The following DTNA variants were observed in gnomAD, a reference collection of about 807,000 sequenced individuals.
DTNA encodes dystrophin-related protein 3.
DTNA carries 43 observed loss-of-function variants against 100.7 expected under a neutral mutation model. That is an observed-to-expected ratio of 0.43 (90% confidence interval 0.33 to 0.55). DTNA has a LOEUF of 0.55. Among genes scored for constraint, DTNA ranks in the 20% least tolerant of loss-of-function variants. DTNA has a pLI of 0.04. For synonymous variants in DTNA, 349 were observed against 347.9 expected, an observed-to-expected ratio of 1.00 and a Z score of -0.04; for missense variants, 798 against 953.9, an observed-to-expected ratio of 0.84 and a Z score of 2.15.
At position 34,819,433 on chromosome 18, in the gene DTNA, G is replaced by A. The variant is rs186901120; in HGVS notation, c.876+1103G>A. On this transcript the variant is annotated intron_variant, in intron 8 of 22. Transcript: ENST00000444659. The stretch of plus-strand genomic sequence containing the variant: ...CTCACTGTTGTTTATGTCATGCTGA[G>A]GACAGATAGATACATTAACACGGAT... Among the ~76,000 whole-genome samples the A allele has an allele frequency of 2.1e-4, 32 of 152,260 alleles. No homozygotes were observed. The East Asian group carries it at 3.9e-3, about 18-fold the overall frequency.
At chr18:34,776,544 C>T (rs544975597) in intron 3 of DTNA, among the ~76,000 whole-genome samples, 6 of 152,206 alleles carry the variant, frequency 3.9e-5, no homozygotes, top group Non-Finnish European at 7.4e-5. Flanking sequence ...GGTTTCACCA[C>T]GTTAGCCAGG....
chr18:34,504,578 C>T (rs1374876367), intron 1 of DTNA, among the ~76,000 whole-genome samples: 1 of 152,076 alleles, frequency 6.6e-6, no homozygotes, highest in East Asian at 1.9e-4. Flanking sequence ...TTGATTTTTT[C>T]TTTCTTCCTG....
chr18:34,798,394 C>T (rs1403975059), intron 4 of DTNA, among the ~76,000 whole-genome samples: 5 of 152,052 alleles, frequency 3.3e-5, no homozygotes, highest in Admixed American at 1.3e-4. Flanking sequence ...GATTCAGACC[C>T]TCTATTTTTA....
chr18:34,737,280 C>T (rs183476221), intron 1 of DTNA, among the ~76,000 whole-genome samples: 46 of 152,260 alleles, frequency 3.0e-4, no homozygotes, highest in Non-Finnish European at 2.8e-4. Context: ...CCACAAACAA[C>T]ATATAGTTTA....
upstream of DTNA, among the ~76,000 whole-genome samples, chr18:34,709,763 G>T (rs1411193618): frequency 1.3e-5 from 2 of 152,068 alleles, no homozygotes; most frequent in Admixed American, 1.3e-4. Context: ...AGAAAATGAA[G>T]AATTTTACCT....
intron 2 of DTNA, among the ~76,000 whole-genome samples, chr18:34,764,636 A>G (rs1373069925): frequency 2.0e-5 from 3 of 152,222 alleles, no homozygotes; most frequent in South Asian, 2.1e-4. Flanking sequence ...ATCTGAAGAT[A>G]TCGGTTTGAG....
At chr18:34,667,108 A>G (rs374247070) in intron 1 of DTNA, among the ~76,000 whole-genome samples, 6 of 152,034 alleles carry the variant, frequency 3.9e-5, no homozygotes, top group South Asian at 4.2e-4. Flanking sequence ...TTGAGCAGTG[A>G]TTTGTAGTTC....
upstream of DTNA, among the ~76,000 whole-genome samples, chr18:34,707,639 A>G (rs2082281948): frequency 6.6e-6 from 1 of 152,180 alleles, no homozygotes; most frequent in Admixed American, 6.5e-5. Context: ...CACATAACCA[A>G]TCTCCAGGGG....
chr18:34,773,628 A>G (rs1023367334), intron 3 of DTNA, among the ~76,000 whole-genome samples: 8 of 152,222 alleles, frequency 5.3e-5, no homozygotes, highest in African/African-American at 1.9e-4. Context: ...GCATTGTGCT[A>G]GAATGCAACG....
At chr18:34,760,934 T>A (rs1386801041) in intron 2 of DTNA, among the ~76,000 whole-genome samples, 1 of 152,186 alleles carries the variant, frequency 6.6e-6, no homozygotes, top group Non-Finnish European at 1.5e-5. Context: ...TCAAACTCTT[T>A]AGCCCAAAAC....
At chr18:34,752,810 CAT>C (rs1348836398) in intron 1 of DTNA, among the ~76,000 whole-genome samples, 1 of 151,976 alleles carries the variant, frequency 6.6e-6, no homozygotes, top group Non-Finnish European at 1.5e-5. Flanking sequence ...TCAAAAAAAA[CAT>C]GAGGAATAGA....
In DTNA at chr18:34,888,366, A is replaced by G; in HGVS notation, c.*632A>G. On this transcript the variant is annotated 3_prime_UTR_variant, in exon 23 of 23. Transcript: ENST00000444659. ...GTACAAACTCAGAGCCCGGAAGCCAAGAAGGGTCCTTGGCCTGCACGGTCT... is the reference window on the plus strand; with the variant it reads ...GTACAAACTCAGAGCCCGGAAGCCAGGAAGGGTCCTTGGCCTGCACGGTCT... The G allele has an allele frequency of 1.0e-6, 1 of 985,840 alleles. No homozygotes were observed. Among genetic ancestry groups the G allele is most frequent in the Non-Finnish European group, 1.2e-6 (1 of 829,920 alleles). 61.1% of individuals were successfully genotyped at this position (985,840 alleles called of 1,614,324 possible).
chr18:34,834,267 A>T, intron 11 of DTNA, among the ~76,000 whole-genome samples: 1 of 151,970 alleles, frequency 6.6e-6, no homozygotes, highest in East Asian at 1.9e-4. Context: ...AGGCGACGGC[A>T]GGTAGATCGC....
intron 2 of DTNA, 116 bp downstream of exon 2, chr18:34,756,159 C>T (rs1347644758): frequency 8.0e-7 from 1 of 1,249,186 alleles, no homozygotes; most frequent in African/African-American, 1.5e-5. Flanking sequence ...TCCTAAGTTC[C>T]TTTCATGAAG....
chr18:34,854,861 A>G (rs1321957634), intron 15 of DTNA, among the ~76,000 whole-genome samples: 1 of 152,232 alleles, frequency 6.6e-6, no homozygotes, highest in East Asian at 1.9e-4. Flanking sequence ...TTTAAAATAC[A>G]TTTAAAGTAC....
intron 3 of DTNA, among the ~76,000 whole-genome samples, chr18:34,772,635 G>A (rs1211363440): frequency 1.3e-5 from 2 of 152,140 alleles, no homozygotes; most frequent in African/African-American, 4.8e-5. Flanking sequence ...TCCAACTAGT[G>A]TATCAGTATT....
At chr18:34,884,851 A>T in intron 22 of DTNA, 75 bp downstream of exon 22, 1 of 1,491,312 alleles carries the variant, frequency 6.7e-7, no homozygotes, top group East Asian at 2.3e-5. Flanking sequence ...GCGAATTCAC[A>T]ATCACTTCTC....
upstream of DTNA, among the ~76,000 whole-genome samples, chr18:34,706,928 T>C (rs1380634506): frequency 6.6e-6 from 1 of 152,228 alleles, no homozygotes; most frequent in Non-Finnish European, 1.5e-5. Flanking sequence ...AATCTTTTTT[T>C]GTTGCTGTCA....
intron 3 of DTNA, among the ~76,000 whole-genome samples, chr18:34,790,718 A>C (rs985925910): frequency 6.6e-6 from 1 of 151,988 alleles, no homozygotes; most frequent in African/African-American, 2.4e-5. Context: ...TACAAGTGAT[A>C]TGTCAAATTA....
Sources: allele counts gnomAD v4.1 joint callset (sites outside exome capture counted in the v4.1 genomes callset), GRCh38; gene constraint gnomAD v4.1.1; transcripts MANE v1.5; gene names NCBI Gene and HGNC (gene_info 2026-07-23, HGNC 2026-07-21).